AZU1: variants seen among roughly 807,000 people sequenced by gnomAD.
The protein encoded by AZU1 is azurocidin.
Under a neutral mutation model 17.8 loss-of-function variants are expected in AZU1, and 21 were observed. The observed-to-expected ratio is 1.18, with a 90% CI of 0.84 to 1.70. AZU1 has a LOEUF of 1.70. Among genes scored for constraint, AZU1 ranks in the 40% most tolerant of loss-of-function variants. The probability of loss-of-function intolerance (pLI) is 0.00; values close to 1 mark genes in which losing one functional copy is unlikely to be tolerated. For missense variants in AZU1, 379 were observed against 362.9 expected (o/e 1.04, Z -0.36); for synonymous variants, 178 against 155.2 (o/e 1.15, Z -1.09).
At position 828,263 on chromosome 19, in the gene AZU1, G is replaced by A. The variant is rs144130932; in HGVS notation, c.92G>A (p.Arg31Gln). Residue 31 changes from arginine (R) to glutamine (Q), a missense_variant, in exon 2 of 5, where the codon CGG becomes CAG. Coordinates refer to ENST00000233997, the MANE Select transcript of AZU1 (RefSeq NM_001700.5). ...CCCCTTTTGGACATCGTTGGCGGCC[G>A]GAAGGCGAGGCCCCGCCAGTTCCCG... Reference protein sequence around the residue: ...SSPLLDIVGGRKARPRQFPFL... With the variant: ...SSPLLDIVGGQKARPRQFPFL... 201 of 1,608,508 alleles carry A rather than the reference G, an allele frequency of 1.2e-4. 1 individual carries two copies. In the East Asian group the frequency reaches 2.9e-3, roughly 23 times the overall value.
intron 4 of AZU1, 66 bp from the exon 5 acceptor site, chr19:831,650 C>T: frequency 6.8e-7 from 1 of 1,478,644 alleles, no homozygotes; most frequent in Non-Finnish European, 9.0e-7. Flanking sequence ...CAAGAGGCCT[C>T]TGCAGTTCTG....
At position 827,911 on chromosome 19, in the gene AZU1, G is replaced by C; in HGVS notation, c.58+7G>C. The C allele has an allele frequency of 2.0e-6, 3 of 1,536,842 alleles. No homozygotes were observed. The highest frequency in any genetic ancestry group is 1.2e-5 in the South Asian group (1 of 84,096). On this transcript the variant is annotated splice_region_variant and intron_variant, in intron 1 of 4. Coordinates refer to ENST00000233997, the MANE Select transcript of AZU1 (RefSeq NM_001700.5). ...CTGGCGTCCTCGAGGGCCGGTGAGTGCCTCTCTGTGCCGGTGGTCCCCCAT... is the reference window on the plus strand; with the variant it reads ...CTGGCGTCCTCGAGGGCCGGTGAGTCCCTCTCTGTGCCGGTGGTCCCCCAT...
In AZU1 at chr19:831,959, C is replaced by G; in HGVS notation, c.*82C>G. ...GCACCCACCTCCCACGGCCCCGCCCCTGCCCCCGCTCCGGCCAGAGGGGCC... is the reference window on the plus strand; with the variant it reads ...GCACCCACCTCCCACGGCCCCGCCCGTGCCCCCGCTCCGGCCAGAGGGGCC... On this transcript the variant is annotated 3_prime_UTR_variant, in exon 5 of 5. Coordinates refer to ENST00000233997, the MANE Select transcript of AZU1 (RefSeq NM_001700.5). The G allele has an allele frequency of 6.8e-7, 1 of 1,472,494 alleles. No homozygotes were observed. The highest frequency in any genetic ancestry group is 1.3e-5 in the South Asian group (1 of 79,748). The allele number at this position is 1,472,494 out of a possible 1,614,324, so 91.2% of individuals were successfully genotyped here.
chr19:828,139 G>C (rs373955482), intron 1 of AZU1, 91 bp from the exon 2 acceptor site: 32 of 1,450,438 alleles, frequency 2.2e-5, no homozygotes, highest in East Asian at 4.6e-5. Context: ...CAGCCCCACT[G>C]GGTGGATAGA....
In AZU1 at chr19:831,451, A is replaced by G. The variant is rs1038433112; in HGVS notation, c.595-265A>G. 16 of 482,208 alleles carry G rather than the reference A, an allele frequency of 3.3e-5. 1 individual carries two copies. The Admixed American group carries it at 4.9e-4, about 15-fold the overall frequency. 29.9% of individuals were successfully genotyped at this position (482,208 alleles called of 1,614,324 possible). A position where few individuals can be genotyped will look rare whatever the true frequency, so the allele number is the denominator to read the frequency against. On this transcript the variant is annotated intron_variant, in intron 4 of 4. Coordinates refer to ENST00000233997, the MANE Select transcript of AZU1 (RefSeq NM_001700.5). ...GGGTTGGGGACCCAGCAGGCATGGT[A>G]GAGCCGGTCACTGAGGGACTCAGGC...
Position 831,773 on chromosome 19 carries a change from T to G in AZU1, c.652T>G (p.Ser218Ala), listed in dbSNP as rs139615484. 111 of 1,612,374 alleles carry G rather than the reference T, an allele frequency of 6.9e-5. 1 individual carries two copies. In the African/African-American group the frequency reaches 1.4e-3, roughly 20 times the overall value. The change falls in exon 5 of 5, where the codon TCC becomes GCC. Residue 218 changes from serine to alanine, a missense_variant. Coordinates refer to ENST00000233997, the MANE Select transcript of AZU1 (RefSeq NM_001700.5). ...EGLAHGVASF[S>A]LGPCGRGPDF... is the part of the protein sequence containing the mutation. ...CCTGGCCCACGGCGTGGCCTCCTTT[T>G]CCCTGGGGCCCTGTGGCCGAGGCCC...
intron 1 of AZU1, 121 bp downstream of exon 1, chr19:828,025 G>A: frequency 7.0e-7 from 1 of 1,432,176 alleles, no homozygotes; most frequent in Non-Finnish European, 9.4e-7. Flanking sequence ...AGCCAGCCCG[G>A]CCTGGACGAT....
Position 830,942 on chromosome 19 carries a change from G to A in AZU1, c.594+1G>A, listed in dbSNP as rs142354223. The A allele has an allele frequency of 3.7e-6, 6 of 1,600,188 alleles. No homozygotes were observed. In the African/African-American group the frequency reaches 5.3e-5, roughly 14 times the overall value. ...CACCCGCCGCGGTGGCATCTGCAAT[G>A]TGAGTGCTCCCTGTGGCGGGAGGAG... On this transcript the variant is annotated splice_donor_variant, in intron 4 of 4. Coordinates refer to ENST00000233997, the MANE Select transcript of AZU1 (RefSeq NM_001700.5). LOFTEE classifies it high-confidence loss of function.
At chr19:830,591 T>G in intron 3 of AZU1, 117 bp from the exon 4 acceptor site, 1 of 934,924 alleles carries the variant, frequency 1.1e-6, no homozygotes, top group Non-Finnish European at 1.5e-6. Context: ...CTGCCGGGAA[T>G]TAAACGCAAA....
chr19:828,388 TGAGGGGTCCTGGG>T lies in AZU1; in HGVS notation c.215+9_215+21del, dbSNP rs2035241484. ...CGCGGCCAGCTGCTTCCAAAGCCAGTGAGGGGTCCTGGGGAGGGGGCCTAGGGGGCATTGGGGC... is the reference window on the plus strand; with the variant it reads ...CGCGGCCAGCTGCTTCCAAAGCCAGTGAGGGGGCCTAGGGGGCATTGGGGC... On this transcript the variant is annotated splice_donor_5th_base_variant and intron_variant, in intron 2 of 4. Transcript: ENST00000233997. The T allele has an allele frequency of 1.4e-6, 2 of 1,480,342 alleles. No individual in the cohort carries two copies. The highest frequency in any genetic ancestry group is 4.2e-5 in the Admixed American group (2 of 47,812). The allele number at this position is 1,480,342 out of a possible 1,614,324, so 91.7% of individuals were successfully genotyped here.
chr19:830,305 A>C (rs13343321), intron 3 of AZU1, among the ~76,000 whole-genome samples: 3,375 of 152,206 alleles, frequency 0.022, 134 homozygotes, highest in African/African-American at 0.077. Context: ...CAGATGTACC[A>C]CGGTTCGCGT....
intron 2 of AZU1, 151 bp downstream of exon 2, chr19:828,537 G>A: frequency 1.1e-6 from 1 of 902,630 alleles, no homozygotes; most frequent in Non-Finnish European, 1.6e-6. Context: ...CTTGGAGAGG[G>A]AAATGGGGAC....
At chr19:828,182 C>A in intron 1 of AZU1, 48 bp from the exon 2 acceptor site, 2 of 1,541,582 alleles carry the variant, frequency 1.3e-6, no homozygotes, top group Non-Finnish European at 1.7e-6. Context: ...CCCTCCCGGC[C>A]ACTGTGTGGA....
chr19:829,218 G>A (rs368487435), intron 2 of AZU1, among the ~76,000 whole-genome samples: 7 of 40,844 alleles, frequency 1.7e-4, no homozygotes, highest in Admixed American at 7.1e-4. Context: ...GGGGTCAGAT[G>A]GGGGAGGCCC....
At chr19:831,109 G>A (rs1444284051) in intron 4 of AZU1, 168 bp downstream of exon 4, 9 of 643,346 alleles carry the variant, frequency 1.4e-5, no homozygotes, top group Admixed American at 6.0e-5. Context: ...ACAGAGTCTC[G>A]CTCTGTCGCC....
chr19:831,034 A>AG lies in AZU1; in HGVS notation c.594+99dup, dbSNP rs766058397. 7 of 1,304,796 alleles carry AG rather than the reference A, an allele frequency of 5.4e-6. No homozygotes were observed. The South Asian group carries it at 7.6e-5, about 14-fold the overall frequency. The allele number at this position is 1,304,796 out of a possible 1,614,324, so 80.8% of individuals were successfully genotyped here. The stretch of plus-strand genomic sequence containing the variant: ...AAGTGCAGGCTGAGGGCGGCACAGC[A>AG]GGGGGGCCCCAGGATTGAGCATTTT... On this transcript the variant is annotated intron_variant, in intron 4 of 4. Transcript: ENST00000233997.
At chr19:831,366 C>T (rs1048671559) in intron 4 of AZU1, 4 of 341,834 alleles carry the variant, frequency 1.2e-5, no homozygotes, top group Non-Finnish European at 2.1e-5. Context: ...GCATGAGCCA[C>T]CGTGCCTGGC....
rs267605769 is a variant in AZU1, at chr19:828,292, C to T, written c.121C>T (p.Leu41=). Residue 41 remains leucine (L), a synonymous_variant, in exon 2 of 5, where the codon CTG becomes TTG. Coordinates refer to ENST00000233997, the MANE Select transcript of AZU1 (RefSeq NM_001700.5). The part of the protein sequence containing the change: ...RKARPRQFPF[L]ASIQNQGRHF... ...GGCGAGGCCCCGCCAGTTCCCGTTC[C>T]TGGCCTCCATTCAGAATCAAGGCAG... is the stretch of plus-strand genomic sequence containing the variant. 6 of 1,611,896 alleles carry T rather than the reference C, an allele frequency of 3.7e-6. No homozygotes were observed. The highest frequency in any genetic ancestry group is 5.1e-6 in the Non-Finnish European group (6 of 1,179,576).
Position 831,770 on chromosome 19 carries a change from T to C in AZU1, c.649T>C (p.Phe217Leu). ...GGGCCTGGCCCACGGCGTGGCCTCC[T>C]TTTCCCTGGGGCCCTGTGGCCGAGG... ...CEGLAHGVAS[F>L]SLGPCGRGPD... The change falls in exon 5 of 5, where the codon TTT (phenylalanine) becomes CTT (leucine). Residue 217 changes from phenylalanine (F) to leucine (L), a missense_variant. Coordinates refer to ENST00000233997, the MANE Select transcript of AZU1 (RefSeq NM_001700.5). The C allele has an allele frequency of 1.2e-6, 2 of 1,612,398 alleles. No homozygotes were observed. Among genetic ancestry groups the C allele is most frequent in the Middle Eastern group, 1.7e-4 (1 of 6,056 alleles).
Sources: allele counts gnomAD v4.1 joint callset (sites outside exome capture counted in the v4.1 genomes callset), GRCh38; gene constraint gnomAD v4.1.1; transcripts MANE v1.5; gene names NCBI Gene and HGNC (gene_info 2026-07-23, HGNC 2026-07-21).